AHI1: variants seen among roughly 807,000 people sequenced by gnomAD.
AHI1 encodes the protein jouberin.
Under a neutral mutation model 149.3 loss-of-function variants are expected in AHI1, and 123 were observed. The observed-to-expected ratio is 0.82, with a 90% CI of 0.71 to 0.96. The LOEUF is 0.96. AHI1 is among the 40% of genes least tolerant of loss of function. The pLI is 0.00. For missense variants in AHI1, 1,439 were observed against 1,422.7 expected, an observed-to-expected ratio of 1.01 and a Z score of -0.18; for synonymous variants, 475 against 459.8, an observed-to-expected ratio of 1.03 and a Z score of -0.42.
intron 20 of AHI1, among the ~76,000 whole-genome samples, chr6:135,414,894 A>T (rs1782121965): frequency 6.6e-6 from 1 of 151,514 alleles, no homozygotes; most frequent in Non-Finnish European, 1.5e-5. Context: ...TACATGTGCC[A>T]GGCTGGTGTG....
intron 19 of AHI1, 113 bp from the exon 20 acceptor site, chr6:135,427,420 C>T: frequency 1.1e-6 from 1 of 908,372 alleles, no homozygotes; most frequent in East Asian, 2.8e-5. Context: ...ATGATGCTCA[C>T]ATTATTTATG....
At chr6:135,456,408 G>A (rs898876858) in intron 9 of AHI1, among the ~76,000 whole-genome samples, 1 of 152,094 alleles carries the variant, frequency 6.6e-6, no homozygotes, top group African/African-American at 2.4e-5. Context: ...GCTGGGCATG[G>A]TGGCACATGT....
intron 11 of AHI1, among the ~76,000 whole-genome samples, chr6:135,451,253 C>A (rs928539168): frequency 1.3e-5 from 2 of 152,158 alleles, no homozygotes; most frequent in Non-Finnish European, 2.9e-5. Context: ...CACCTCACCT[C>A]CCAGCGTGCT....
intron 21 of AHI1, among the ~76,000 whole-genome samples, chr6:135,407,178 GAATTTATTATGCA>G (rs1780910198): frequency 6.6e-6 from 1 of 152,004 alleles, no homozygotes; most frequent in Non-Finnish European, 1.5e-5. Context: ...CTGCTGAACT[GAATTTATTATGCA>G]ATTCACTCAC....
intron 24 of AHI1, among the ~76,000 whole-genome samples, chr6:135,336,624 A>G (rs17064436): frequency 0.018 from 2,668 of 152,216 alleles, 76 homozygotes; most frequent in African/African-American, 0.061. Flanking sequence ...ATCTTATGAG[A>G]TATTCTGTTT....
chr6:135,367,730 T>C (rs1222515461), intron 23 of AHI1, among the ~76,000 whole-genome samples: 1 of 152,128 alleles, frequency 6.6e-6, no homozygotes, highest in Non-Finnish European at 1.5e-5. Flanking sequence ...ATGCTGCTTC[T>C]CTGGAGATTT....
chr6:135,445,735 C>T (rs923232581), intron 13 of AHI1, among the ~76,000 whole-genome samples: 1 of 151,962 alleles, frequency 6.6e-6, no homozygotes, highest in African/African-American at 2.4e-5. Context: ...ACCATGCCCA[C>T]CTAATTAAAA....
chr6:135,369,245 T>C (rs1367421165), intron 23 of AHI1, among the ~76,000 whole-genome samples: 2 of 152,202 alleles, frequency 1.3e-5, no homozygotes, highest in South Asian at 2.1e-4. Context: ...TCTCTCACTC[T>C]TTGGGCACTA....
chr6:135,469,607 GA>G (rs1425273786), intron 5 of AHI1, among the ~76,000 whole-genome samples: 1 of 152,022 alleles, frequency 6.6e-6, no homozygotes, highest in Non-Finnish European at 1.5e-5. Context: ...CATGGTACAG[GA>G]ACAAAAACAG....
At chr6:135,398,914 C>T (rs893488782) in intron 22 of AHI1, among the ~76,000 whole-genome samples, 22 of 152,208 alleles carry the variant, frequency 1.4e-4, no homozygotes, top group Middle Eastern at 3.4e-3. Flanking sequence ...CCAGGCCCAA[C>T]GACTAATGCT....
intron 26 of AHI1, 185 bp from the exon 27 acceptor site, chr6:135,300,743 A>G (rs1783766259): frequency 8.1e-7 from 1 of 1,240,172 alleles, no homozygotes; most frequent in South Asian, 3.1e-5. Context: ...GCTCCCATGA[A>G]AAACCAAGGA....
intron 24 of AHI1, among the ~76,000 whole-genome samples, chr6:135,337,355 A>G (rs1289421048): frequency 6.6e-6 from 1 of 152,230 alleles, no homozygotes; most frequent in African/African-American, 2.4e-5. Context: ...ATATGTATAT[A>G]TTAACATACA....
chr6:135,475,350 G>C (rs754440439), intron 5 of AHI1, among the ~76,000 whole-genome samples: 1 of 152,080 alleles, frequency 6.6e-6, no homozygotes, highest in African/African-American at 2.4e-5. Flanking sequence ...CATGAGCCTG[G>C]GTTGCTAAAA....
At chr6:135,388,702 C>T (rs1446107282) in intron 23 of AHI1, among the ~76,000 whole-genome samples, 3 of 152,066 alleles carry the variant, frequency 2.0e-5, no homozygotes, top group Admixed American at 2.0e-4. Context: ...CAAAGACACA[C>T]AAAATGAATG....
At chr6:135,328,318 G>A (rs1348527812) in intron 24 of AHI1, among the ~76,000 whole-genome samples, 1 of 152,180 alleles carries the variant, frequency 6.6e-6, no homozygotes. Flanking sequence ...CCTGCATTGA[G>A]CAAGTCTATC....
rs753135530 is a variant in AHI1 at position 135,411,531 on chromosome 6, C to T, written c.2778G>A (p.Glu926=). The change falls in exon 21 of 29, where the codon GAG becomes GAA. Residue 926 remains glutamate, a synonymous_variant. Transcript: ENST00000265602. The stretch of plus-strand genomic sequence containing the variant: ...CATTGTAGCGTTTGAACATTTCAGC[C>T]TCCTGCTGGGCAACTGAAGAAATGA... ...YIYDFHVAQQ[E]AEMFKRYNGT... The T allele has an allele frequency of 6.3e-7, 1 of 1,574,856 alleles. No homozygotes were observed. The highest frequency in any genetic ancestry group is 1.2e-5 in the South Asian group (1 of 83,744).
Position 135,300,529 on chromosome 6 carries a change from G to A in AHI1, c.3456C>T (p.Asp1152=), listed in dbSNP as rs371975923. The A allele has an allele frequency of 7.5e-6, 12 of 1,608,892 alleles. No homozygotes were observed. The highest frequency in any genetic ancestry group is 1.0e-5 in the Non-Finnish European group (12 of 1,177,626). Residue 1152 remains aspartate (D), a synonymous_variant, in exon 27 of 29, where the codon GAC becomes GAT. Coordinates refer to ENST00000265602, the MANE Select transcript of AHI1 (RefSeq NM_001134831.2). ...TCATAGATTCTGAGCCTAGTCTGAA[G>A]TCCTGGGACTTGTTCTTATTGATTG... The part of the protein sequence containing the change: ...KQSINKNKSQ[D]FRLGSESMTH...
chr6:135,435,172 CCTT>C (rs1288748088), intron 15 of AHI1: 1 of 152,172 alleles, frequency 6.6e-6, no homozygotes, highest in Non-Finnish European at 1.5e-5. Flanking sequence ...TCAAAACTCT[CCTT>C]GTCATTTTGA....
At chr6:135,488,903 C>A (rs569004527) in intron 5 of AHI1, among the ~76,000 whole-genome samples, 33 of 152,214 alleles carry the variant, frequency 2.2e-4, no homozygotes, top group African/African-American at 7.9e-4. Flanking sequence ...CCTGGTTCTA[C>A]CATTTACTAT....
Sources: allele counts gnomAD v4.1 joint callset (sites outside exome capture counted in the v4.1 genomes callset), GRCh38; gene constraint gnomAD v4.1.1; transcripts MANE v1.5; gene names NCBI Gene and HGNC (gene_info 2026-07-23, HGNC 2026-07-21).